The following SGMS2 variants were observed in gnomAD, a reference collection of about 807,000 sequenced individuals.
SGMS2 encodes sphingomyelin synthase 2.
Under a neutral mutation model 43.8 loss-of-function variants are expected in SGMS2, and 21 were observed. The ratio of observed to expected loss-of-function variants is 0.48; its 90% CI spans 0.34 to 0.69. The LOEUF (loss-of-function observed/expected upper bound fraction) is 0.69. Among genes scored for constraint, SGMS2 ranks in the 30% least tolerant of loss-of-function variants. SGMS2 has a pLI of 0.01. For synonymous variants in SGMS2, 167 were observed against 160.6 expected (o/e 1.04, Z -0.30); for missense variants, 384 against 443.2 (o/e 0.87, Z 1.20).
upstream of SGMS2, chr4:107,824,851 T>G (rs564272333): frequency 2.0e-5 from 3 of 152,560 alleles, no homozygotes; most frequent in East Asian, 5.8e-4. Flanking sequence ...ATGAATGATG[T>G]CAAGAGCGCG....
chr4:107,891,427 C>T (rs961216026), intron 2 of SGMS2, among the ~76,000 whole-genome samples: 1 of 151,982 alleles, frequency 6.6e-6, no homozygotes, highest in African/African-American at 2.4e-5. Flanking sequence ...CAAGACAAAC[C>T]CCAATTTAGT....
chr4:107,846,234 G>T (rs1336399276), intron 1 of SGMS2, among the ~76,000 whole-genome samples: 1 of 147,174 alleles, frequency 6.8e-6, no homozygotes, highest in East Asian at 2.1e-4. Flanking sequence ...TTAGCATTAG[G>T]TATATCTCCT....
In SGMS2 at chr4:107,908,715, CA is replaced by C. The variant is rs748056060; in HGVS notation, c.880del (p.Met294TrpfsTer7). On this transcript the variant is annotated frameshift_variant, in exon 6 of 7. Coordinates refer to ENST00000690982, the MANE Select transcript of SGMS2 (RefSeq NM_001375905.1). LOFTEE classifies it high-confidence loss of function. ...ITTRLFWWYH[S>X]MANEKNLKVS... ...ACACGACTGTTTTGGTGGTACCATT[CA>C]ATGGCCAATGAAAAGGTGAGAGCAG... 8.1e-6 allele frequency: 13 copies of C among 1,613,422 alleles called. No homozygotes were observed. Among genetic ancestry groups the C allele is most frequent in the Non-Finnish European group, 1.1e-5 (13 of 1,179,710 alleles).
chr4:107,824,880 G>A, upstream of SGMS2: 1 of 152,580 alleles, frequency 6.6e-6, no homozygotes, highest in East Asian at 1.9e-4. Flanking sequence ...AGGGCGCAGG[G>A]AGCGGGCCGC....
chr4:107,844,922 C>T (rs1417290579), intron 1 of SGMS2, among the ~76,000 whole-genome samples: 3 of 152,092 alleles, frequency 2.0e-5, no homozygotes, highest in African/African-American at 7.2e-5. Flanking sequence ...GGAGACTGGA[C>T]CATTTGTTCT....
chr4:107,839,141 C>T (rs964336039), intron 1 of SGMS2, among the ~76,000 whole-genome samples: 2 of 151,900 alleles, frequency 1.3e-5, no homozygotes, highest in African/African-American at 4.9e-5. Context: ...CTCCATCTTT[C>T]CCCCACCTCT....
chr4:107,912,493 A>T lies in SGMS2; in HGVS notation c.*1940A>T, dbSNP rs998543366. ...AGAACAAGGTATTCTGCTTGAAAACACTGATTTTTAAGTTCCTGTTGCCCG... is the reference window on the plus strand; with the variant it reads ...AGAACAAGGTATTCTGCTTGAAAACTCTGATTTTTAAGTTCCTGTTGCCCG... On this transcript the variant is annotated 3_prime_UTR_variant, in exon 7 of 7. Transcript: ENST00000690982. The T allele has an allele frequency of 6.6e-6, 1 of 152,140 alleles. No homozygotes were observed. The highest frequency in any genetic ancestry group is 1.9e-4 in the East Asian group (1 of 5,182). The allele number at this position is 152,140 out of a possible 1,614,324, so 9.4% of individuals were successfully genotyped here.
chr4:107,873,262 G>A (rs995489420), intron 2 of SGMS2: 2 of 151,878 alleles, frequency 1.3e-5, no homozygotes, highest in Non-Finnish European at 2.9e-5. Context: ...TTTTGCCTAC[G>A]ATTTGTCAGA....
chr4:107,897,405 TTTTCTC>T (rs1262319918), intron 3 of SGMS2, among the ~76,000 whole-genome samples: 1 of 152,224 alleles, frequency 6.6e-6, no homozygotes, highest in African/African-American at 2.4e-5. Context: ...ACTTCAGTGT[TTTTCTC>T]TTTAGTGTCT....
At chr4:107,868,672 C>T (rs1441839960) in intron 2 of SGMS2, among the ~76,000 whole-genome samples, 3 of 151,766 alleles carry the variant, frequency 2.0e-5, no homozygotes, top group African/African-American at 2.4e-5. Context: ...GAGCCGAGAT[C>T]GTGCCACTGC....
At chr4:107,902,930 T>C (rs1374747957) in intron 4 of SGMS2, among the ~76,000 whole-genome samples, 1 of 152,180 alleles carries the variant, frequency 6.6e-6, no homozygotes, top group African/African-American at 2.4e-5. Flanking sequence ...TGATCTGCTT[T>C]TTAGCACGTA....
intron 1 of SGMS2, among the ~76,000 whole-genome samples, chr4:107,835,869 A>G (rs1007892622): frequency 4.6e-5 from 7 of 152,194 alleles, no homozygotes; most frequent in African/African-American, 1.7e-4. Flanking sequence ...CTCCGGACCA[A>G]TGTGCCCAGA....
intron 2 of SGMS2, among the ~76,000 whole-genome samples, chr4:107,868,672 C>A (rs1441839960): frequency 6.6e-6 from 1 of 151,884 alleles, no homozygotes; most frequent in East Asian, 1.9e-4. Context: ...GAGCCGAGAT[C>A]GTGCCACTGC....
At chr4:107,883,072 C>T (rs1729485163) in intron 2 of SGMS2, among the ~76,000 whole-genome samples, 1 of 152,110 alleles carries the variant, frequency 6.6e-6, no homozygotes, top group African/African-American at 2.4e-5. Context: ...CCACAAGGCA[C>T]ACTTACAAAT....
At chr4:107,836,453 C>T (rs1385186229) in intron 1 of SGMS2, among the ~76,000 whole-genome samples, 1 of 152,076 alleles carries the variant, frequency 6.6e-6, no homozygotes, top group Non-Finnish European at 1.5e-5. Context: ...TTGTCTGTAC[C>T]TTCGATTTGT....
chr4:107,845,537 C>T (rs1297132088), intron 1 of SGMS2, among the ~76,000 whole-genome samples: 1 of 152,160 alleles, frequency 6.6e-6, no homozygotes, highest in East Asian at 1.9e-4. Context: ...TATAGGATAG[C>T]TGTCTCCCCT....
intron 2 of SGMS2, among the ~76,000 whole-genome samples, chr4:107,879,201 C>T (rs1560655354): frequency 6.7e-6 from 1 of 149,018 alleles, no homozygotes. Context: ...GAAAATCCAT[C>T]TTGTCATTTT....
chr4:107,876,883 G>C (rs1432190020), intron 2 of SGMS2, among the ~76,000 whole-genome samples: 1 of 152,148 alleles, frequency 6.6e-6, no homozygotes, highest in Non-Finnish European at 1.5e-5. Flanking sequence ...GTGTTATGTG[G>C]TTTGGGGAAT....
intron 2 of SGMS2, chr4:107,864,216 A>T (rs905088044): frequency 6.6e-6 from 1 of 152,258 alleles, no homozygotes; most frequent in Non-Finnish European, 1.5e-5. Context: ...TCAGAATGTT[A>T]GAGAATTGTG....
Sources: allele counts gnomAD v4.1 joint callset (sites outside exome capture counted in the v4.1 genomes callset), GRCh38; gene constraint gnomAD v4.1.1; transcripts MANE v1.5; gene names NCBI Gene and HGNC (gene_info 2026-07-23, HGNC 2026-07-21).